Variants in SMCHD1 observed in about 807,000 individuals in gnomAD.
SMCHD1 encodes the protein structural maintenance of chromosomes flexible hinge domain containing 1.
Under a neutral mutation model 254.7 loss-of-function variants are expected in SMCHD1, and 78 were observed. The ratio of observed to expected loss-of-function variants is 0.31; its 90% CI spans 0.26 to 0.37. SMCHD1 has a LOEUF of 0.37. Ranked by LOEUF, SMCHD1 falls within the 10% of genes least tolerant of loss-of-function variation. The probability of loss-of-function intolerance (pLI) is 1.00; values close to 1 mark genes in which losing one functional copy is unlikely to be tolerated. For missense variants in SMCHD1, 1,840 were observed against 2,408.1 expected (o/e 0.76, Z 4.94); for synonymous variants, 766 against 794.9 (o/e 0.96, Z 0.61).
chr18:2,697,411 G>A (rs1274931468), intron 9 of SMCHD1, among the ~76,000 whole-genome samples: 1 of 152,194 alleles, frequency 6.6e-6, no homozygotes, highest in Non-Finnish European at 1.5e-5. Context: ...GGAAAAGGGA[G>A]ATAATGTAGC....
At chr18:2,658,947 C>T (rs189544288) in intron 1 of SMCHD1, among the ~76,000 whole-genome samples, 2,715 of 151,242 alleles carry the variant, frequency 0.018, 41 homozygotes, top group Middle Eastern at 0.1. Flanking sequence ...CATATATATA[C>T]ACACACATAT....
chr18:2,802,298 T>C (rs1316802958), intron 47 of SMCHD1, among the ~76,000 whole-genome samples: 2 of 152,198 alleles, frequency 1.3e-5, no homozygotes, highest in African/African-American at 4.8e-5. Context: ...AAATTACTTA[T>C]ATATGTTATA....
At chr18:2,696,541 C>G (rs1338235348) in intron 8 of SMCHD1, among the ~76,000 whole-genome samples, 1 of 152,146 alleles carries the variant, frequency 6.6e-6, no homozygotes, top group African/African-American at 2.4e-5. Context: ...AAATTGTCTT[C>G]CATGAAACTG....
Position 2,724,912 on chromosome 18 carries a change from C to A in SMCHD1, c.2617C>A (p.His873Asn). 6.3e-7 allele frequency: 1 copy of A among 1,577,604 alleles called. No individual in the cohort carries two copies. Among genetic ancestry groups the A allele is most frequent in the Non-Finnish European group, 8.6e-7 (1 of 1,157,446 alleles). The change falls in exon 21 of 48, where the codon CAT (histidine) becomes AAT (asparagine). Residue 873 changes from histidine to asparagine, a missense_variant. By Grantham distance (68) the His-to-Asn change is moderately conservative (BLOSUM62 1). Transcript: ENST00000320876. ...TTTTTTCCCCAGTGGTTTATCTTTA[C>A]ATTATGAAGAAATAACCAAAGGACC... ...PVLEASGLSL[H>N]YEEITKGPNC... is the part of the protein sequence containing the mutation.
At chr18:2,676,822 G>A (rs2073761279) in intron 5 of SMCHD1, among the ~76,000 whole-genome samples, 1 of 152,184 alleles carries the variant, frequency 6.6e-6, no homozygotes, top group African/African-American at 2.4e-5. Flanking sequence ...GTACACTGCT[G>A]TCAGTTTGTG....
chr18:2,750,350 G>A lies in SMCHD1; in HGVS notation c.4008G>A (p.Arg1336=). The A allele has an allele frequency of 6.2e-7, 1 of 1,606,340 alleles. No individual in the cohort carries two copies. Among genetic ancestry groups the A allele is most frequent in the Non-Finnish European group, 8.5e-7 (1 of 1,176,798 alleles). ...NLGVFSVFAP[R]GEHTLQVKAI... ...CCCCTCTCCTCTTTTGTTTTGTTAG[G>A]GGAGAGCATACTCTTCAGGTTAAAG... The change falls in exon 32 of 48, where the codon AGG becomes AGA. Residue 1336 remains arginine, a splice_region_variant and synonymous_variant. Coordinates refer to ENST00000320876, the MANE Select transcript of SMCHD1 (RefSeq NM_015295.3).
At chr18:2,687,111 C>G (rs910646261) in intron 5 of SMCHD1, among the ~76,000 whole-genome samples, 12 of 152,164 alleles carry the variant, frequency 7.9e-5, no homozygotes, top group Non-Finnish European at 1.3e-4. Flanking sequence ...TTTGGTCACT[C>G]CCTTCCTGAA....
intron 45 of SMCHD1, among the ~76,000 whole-genome samples, chr18:2,793,048 T>C (rs2076194188): frequency 6.6e-6 from 1 of 152,224 alleles, no homozygotes; most frequent in Admixed American, 6.5e-5. Flanking sequence ...TAAGTGCTTA[T>C]CAGTTTTTTT....
intron 1 of SMCHD1, among the ~76,000 whole-genome samples, chr18:2,661,042 G>A (rs1197662387): frequency 2.0e-5 from 3 of 152,132 alleles, no homozygotes; most frequent in Non-Finnish European, 4.4e-5. Context: ...CGTGGATGAA[G>A]CTGGAAGCCA....
At chr18:2,740,895 C>A in intron 28 of SMCHD1, 74 bp downstream of exon 28, 3 of 764,698 alleles carry the variant, frequency 3.9e-6, no homozygotes, top group Admixed American at 3.0e-5. Context: ...TTGGGAAAAA[C>A]TAGTATAAGA....
intron 1 of SMCHD1, among the ~76,000 whole-genome samples, chr18:2,659,692 C>T (rs994802252): frequency 6.1e-5 from 9 of 147,198 alleles, no homozygotes; most frequent in African/African-American, 1.3e-4. Context: ...TTTTGTTGTG[C>T]GGCTATTCTA....
chr18:2,799,478 T>A (rs2076321512), intron 47 of SMCHD1, among the ~76,000 whole-genome samples: 1 of 152,314 alleles, frequency 6.6e-6, no homozygotes, highest in African/African-American at 2.4e-5. Flanking sequence ...AACTGTTAAT[T>A]TTTAGTTACT....
intron 45 of SMCHD1, among the ~76,000 whole-genome samples, chr18:2,791,381 G>A (rs4797083): frequency 0.098 from 14,960 of 152,128 alleles, 1,156 homozygotes; most frequent in East Asian, 0.43. Flanking sequence ...CTTGAGACCA[G>A]CCTGGGCAAT....
At chr18:2,744,987 G>T (rs2075424295) in intron 29 of SMCHD1, among the ~76,000 whole-genome samples, 1 of 152,156 alleles carries the variant, frequency 6.6e-6, no homozygotes, top group Admixed American at 6.5e-5. Context: ...GGGATTACAG[G>T]CATGTGCCAC....
chr18:2,763,964 T>G (rs1411393071), intron 37 of SMCHD1, 175 bp downstream of exon 37: 9 of 565,062 alleles, frequency 1.6e-5, no homozygotes, highest in Non-Finnish European at 2.6e-5. Context: ...CCCAAGATCT[T>G]TATAAGTAAG....
intron 15 of SMCHD1, among the ~76,000 whole-genome samples, chr18:2,706,969 A>G (rs2074529646): frequency 6.6e-6 from 1 of 152,150 alleles, no homozygotes; most frequent in Admixed American, 6.5e-5. Flanking sequence ...CAGAAGAGAG[A>G]GAGAGGGAAG....
chr18:2,740,486 G>A (rs753306493), intron 27 of SMCHD1, among the ~76,000 whole-genome samples: 2 of 151,766 alleles, frequency 1.3e-5, no homozygotes, highest in Non-Finnish European at 2.9e-5. Context: ...ATTAACATTA[G>A]CATCGTGTTA....
At chr18:2,712,639 A>G (rs1240755102) in intron 17 of SMCHD1, among the ~76,000 whole-genome samples, 1 of 152,186 alleles carries the variant, frequency 6.6e-6, no homozygotes, top group African/African-American at 2.4e-5. Context: ...GCATAAACCA[A>G]GGGACAACTG....
chr18:2,678,850 T>TG (rs2073847374), intron 5 of SMCHD1, among the ~76,000 whole-genome samples: 2 of 11,292 alleles, frequency 1.8e-4, no homozygotes, highest in African/African-American at 2.0e-4. Context: ...TTTGTTTGTT[T>TG]TTTTGTTTTT....
Sources: allele counts gnomAD v4.1 joint callset (sites outside exome capture counted in the v4.1 genomes callset), GRCh38; gene constraint gnomAD v4.1.1; transcripts MANE v1.5; gene names NCBI Gene and HGNC (gene_info 2026-07-23, HGNC 2026-07-21).